NPAS4: variants seen among roughly 807,000 people sequenced by gnomAD.
NPAS4 encodes the protein neuronal PAS domain-containing protein 4.
In NPAS4, 10 loss-of-function variants were observed where a neutral mutation model predicts 64.0. The observed-to-expected ratio is 0.16, with a 90% CI of 0.10 to 0.26. The LOEUF is 0.26. NPAS4 is among the 10% of genes least tolerant of loss of function. The pLI is 1.00. For synonymous variants in NPAS4, 441 were observed against 411.7 expected (o/e 1.07, Z -0.86); for missense variants, 886 against 992.6 (o/e 0.89, Z 1.44).
At chr11:66,421,000 A>G (rs1273972484), upstream of NPAS4, 3 of 575,426 alleles carry the variant, frequency 5.2e-6, no homozygotes, top group African/African-American at 1.9e-5. Flanking sequence ...CACGCCTGGC[A>G]GGAGCTATAT....
At position 66,424,499 on chromosome 11, in the gene NPAS4, G is replaced by A. The variant is rs1318715613; in HGVS notation, c.1609G>A (p.Ala537Thr). The A allele has an allele frequency of 6.2e-7, 1 of 1,614,022 alleles. No individual in the cohort carries two copies. Among genetic ancestry groups the A allele is most frequent in the East Asian group, 2.2e-5 (1 of 44,880 alleles). The change falls in exon 7 of 8, where the codon GCA (alanine) becomes ACA (threonine). Residue 537 changes from alanine to threonine, a missense_variant. This residue lies in a region of NPAS4 where 820 missense variants were observed against 855.5 expected (regional missense o/e 0.96). Transcript: ENST00000311034. The part of the protein sequence containing the change: ...AHEQLTPPST[A>T]FQAHLDSPSQ... The stretch of plus-strand genomic sequence containing the variant: ...TGAACAGCTGACTCCTCCCAGCACA[G>A]CATTCCAAGCACACCTGGACAGCCC...
the NPAS4 span, among the ~76,000 whole-genome samples, chr11:66,414,666 T>C: frequency 1.3e-5 from 2 of 152,188 alleles, no homozygotes; most frequent in African/African-American, 2.4e-5. Context: ...TGAAAAGGCC[T>C]CAGGAAAAGG....
chr11:66,420,981 C>G (rs1388648759), upstream of NPAS4: 3 of 543,190 alleles, frequency 5.5e-6, no homozygotes, highest in Admixed American at 3.2e-5. Context: ...GGCTCTAAAA[C>G]GAGCCCCCCA....
chr11:66,423,520 G>A (rs1856786640), intron 5 of NPAS4, 58 bp from the exon 6 acceptor site: 1 of 1,601,060 alleles, frequency 6.2e-7, no homozygotes, highest in East Asian at 2.2e-5. Flanking sequence ...GACCAAGGGT[G>A]GGGAGTAGGT....
In NPAS4 at chr11:66,422,480, C is replaced by T. The variant is rs770700942; in HGVS notation, c.357C>T (p.Ile119=). 3.1e-6 allele frequency: 5 copies of T among 1,614,022 alleles called. No homozygotes were observed. Among genetic ancestry groups the T allele is most frequent in the Non-Finnish European group, 3.4e-6 (4 of 1,179,936 alleles). Residue 119 remains isoleucine, a synonymous_variant, in exon 3 of 8, where the codon ATC becomes ATT. Transcript: ENST00000311034. ...ACCTGGTTGCCCAGGGTGACAGCAT[C>T]TACGACATCATTGACCCAGCTGACC... is the stretch of plus-strand genomic sequence containing the variant. ...MVDLVAQGDS[I]YDIIDPADHL...
At chr11:66,416,149 C>A (rs1406268779), upstream of NPAS4, among the ~76,000 whole-genome samples, 1 of 152,264 alleles carries the variant, frequency 6.6e-6, no homozygotes, top group South Asian at 2.1e-4. Flanking sequence ...ATGTGTCTAA[C>A]AGGCCAGAGC....
chr11:66,423,487 C>T, intron 5 of NPAS4, 91 bp from the exon 6 acceptor site: 2 of 1,475,686 alleles, frequency 1.4e-6, no homozygotes, highest in South Asian at 1.2e-5. Flanking sequence ...GATGTCACGG[C>T]TATCTCAATT....
Position 66,423,852 on chromosome 11 carries a change from G to A in NPAS4, c.962G>A (p.Ser321Asn), listed in dbSNP as rs1565241246. The change falls in exon 7 of 8, where the codon AGC (serine) becomes AAC (asparagine). Residue 321 changes from serine to asparagine, a missense_variant. Coordinates refer to ENST00000311034, the MANE Select transcript of NPAS4 (RefSeq NM_178864.4). ...CTCTCCAGTGACATGGAAGCCTGGA[G>A]CCTCCGCCAGCAGTTGAACTCTGAA... The part of the protein sequence containing the change: ...NYPISDMEAW[S>N]LRQQLNSEDT... 6.2e-7 allele frequency: 1 copy of A among 1,610,316 alleles called. No individual in the cohort carries two copies. The highest frequency in any genetic ancestry group is 8.5e-7 in the Non-Finnish European group (1 of 1,177,900).
At chr11:66,425,847 A>T in intron 7 of NPAS4, 114 bp from the exon 8 acceptor site, 2 of 797,340 alleles carry the variant, frequency 2.5e-6, no homozygotes, top group Admixed American at 3.8e-5. Flanking sequence ...CCATCATTTC[A>T]TCATTGAGCC....
chr11:66,411,481 A>C, the NPAS4 span, among the ~76,000 whole-genome samples: 1 of 152,202 alleles, frequency 6.6e-6, no homozygotes, highest in Non-Finnish European at 1.5e-5. Context: ...ATCCGCTGAC[A>C]TCTAGACTGA....
chr11:66,414,438 T>C, the NPAS4 span, among the ~76,000 whole-genome samples: 1 of 152,142 alleles, frequency 6.6e-6, no homozygotes, highest in African/African-American at 2.4e-5. Flanking sequence ...TTTCATCTTT[T>C]CCCACCTGGG....
At position 66,424,923 on chromosome 11, in the gene NPAS4, G is replaced by A. The variant is rs776171121; in HGVS notation, c.2033G>A (p.Gly678Asp). Reference protein sequence around the residue: ...LDSNLSLSGAGPPVLSLDLKP... With the variant: ...LDSNLSLSGADPPVLSLDLKP... ...TCCAACCTGTCCCTGTCAGGGGCAG[G>A]CCCCCCTGTGCTCAGCCTGGACCTG... Residue 678 changes from glycine (G) to aspartate (D), a missense_variant, in exon 7 of 8, where the codon GGC becomes GAC. By Grantham distance (94) the Gly-to-Asp change is moderately conservative. This residue lies in a region of NPAS4 where 820 missense variants were observed against 855.5 expected (regional missense o/e 0.96). Coordinates refer to ENST00000311034, the MANE Select transcript of NPAS4 (RefSeq NM_178864.4). The A allele has an allele frequency of 6.2e-7, 1 of 1,613,868 alleles. No individual in the cohort carries two copies.
At position 66,421,114 on chromosome 11, in the gene NPAS4, G is replaced by T. The variant is rs1590692672; in HGVS notation, c.-66G>T. The stretch of plus-strand genomic sequence containing the variant: ...ACGGGGAAGCACGGAGGAGGAAGCC[G>T]CCGGTGCGTCGGGACGGGAGCGCAG... On this transcript the variant is annotated 5_prime_UTR_variant, in exon 1 of 8. Transcript: ENST00000311034. 8.6e-6 allele frequency: 12 copies of T among 1,402,546 alleles called. No homozygotes were observed. The East Asian group carries it at 2.5e-4, about 29-fold the overall frequency. 86.9% of individuals were successfully genotyped at this position (1,402,546 alleles called of 1,614,324 possible). A position where few individuals can be genotyped will look rare whatever the true frequency, so the allele number is the denominator to read the frequency against.
At position 66,423,686 on chromosome 11, in the gene NPAS4, C is replaced by A. The variant is rs759718211; in HGVS notation, c.917C>A (p.Pro306His). Residue 306 changes from proline to histidine, a missense_variant, in exon 6 of 8, where the codon CCC (proline) becomes CAC (histidine). Transcript: ENST00000311034. The stretch of plus-strand genomic sequence containing the variant: ...TTATACTCAGAAGGTCCAGAGGGAC[C>A]CATTACTGCCAATAACTACCCAATC... ...CLLYSEGPEG[P>H]ITANNYPISD... is the part of the protein sequence containing the mutation. 10 of 1,614,144 alleles carry A rather than the reference C, an allele frequency of 6.2e-6. No individual in the cohort carries two copies. Among genetic ancestry groups the A allele is most frequent in the South Asian group, 2.2e-5 (2 of 91,076 alleles).
At chr11:66,411,160 A>G in the NPAS4 span, among the ~76,000 whole-genome samples, 1 of 152,106 alleles carries the variant, frequency 6.6e-6, no homozygotes, top group Non-Finnish European at 1.5e-5. Context: ...GCCCACTCGG[A>G]CCCCAGCATT....
At chr11:66,418,957 C>G (rs1333707586), upstream of NPAS4, among the ~76,000 whole-genome samples, 1 of 152,152 alleles carries the variant, frequency 6.6e-6, no homozygotes, top group Non-Finnish European at 1.5e-5. Flanking sequence ...CCAGTAGACT[C>G]CTCTTATTGT....
intron 5 of NPAS4, 77 bp from the exon 6 acceptor site, chr11:66,423,499 AGT>A: frequency 2.6e-6 from 4 of 1,536,576 alleles, no homozygotes; most frequent in Non-Finnish European, 2.7e-6. Context: ...ATCTCAATTC[AGT>A]GGAGAGGTGA....
At position 66,424,402 on chromosome 11, in the gene NPAS4, C is replaced by T; in HGVS notation, c.1512C>T (p.Cys504=). The change falls in exon 7 of 8, where the codon TGC becomes TGT. Residue 504 remains cysteine (C), a synonymous_variant. Coordinates refer to ENST00000311034, the MANE Select transcript of NPAS4 (RefSeq NM_178864.4). ...VRSYEDQLTP[C]TSTFPDQLLP... ...GCTATGAAGACCAGTTGACTCCCTGCACCTCCACCTTCCCAGACCAGCTGC... is the reference window on the plus strand; with the variant it reads ...GCTATGAAGACCAGTTGACTCCCTGTACCTCCACCTTCCCAGACCAGCTGC... The T allele has an allele frequency of 6.2e-7, 1 of 1,614,106 alleles. No individual in the cohort carries two copies. Among genetic ancestry groups the T allele is most frequent in the South Asian group, 1.1e-5 (1 of 91,078 alleles).
intron 1 of NPAS4, among the ~76,000 whole-genome samples, chr11:66,421,697 A>C (rs1590693213): frequency 6.6e-6 from 1 of 152,324 alleles, no homozygotes; most frequent in East Asian, 1.9e-4. Context: ...GCCTGAGCCT[A>C]GGGGAACATA....
Sources: allele counts gnomAD v4.1 joint callset (sites outside exome capture counted in the v4.1 genomes callset), GRCh38; gene constraint gnomAD v4.1.1; regional missense constraint gnomAD v4.1.1; transcripts MANE v1.5; gene names NCBI Gene and HGNC (gene_info 2026-07-23, HGNC 2026-07-21).